JAK1: variants seen among roughly 807,000 people sequenced by gnomAD.
JAK1 encodes the protein tyrosine-protein kinase JAK1.
Under a neutral mutation model 136.6 loss-of-function variants are expected in JAK1, and 16 were observed. That is an observed-to-expected ratio of 0.12 (90% CI 0.08 to 0.18). The LOEUF is 0.18. Ranked by LOEUF, JAK1 falls within the 10% of genes least tolerant of loss-of-function variation. The pLI, the probability that JAK1 is intolerant of heterozygous loss-of-function variation, is 1.00. For missense variants in JAK1, 859 were observed against 1,450.1 expected (o/e 0.59, Z 6.62); for synonymous variants, 492 against 519.5 (o/e 0.95, Z 0.72).
chr1:65,001,449 G>A (rs1646755566), intron 2 of JAK1, among the ~76,000 whole-genome samples: 2 of 152,130 alleles, frequency 1.3e-5, no homozygotes, highest in Non-Finnish European at 2.9e-5. Flanking sequence ...CTTCCCGGAG[G>A]TCCCCACCCA....
intron 1 of JAK1, among the ~76,000 whole-genome samples, chr1:65,050,591 C>G (rs1358868288): frequency 6.6e-6 from 1 of 152,136 alleles, no homozygotes; most frequent in East Asian, 1.9e-4. Context: ...AGAGGAGAAG[C>G]CACTAGAGTG....
At chr1:64,928,261 G>GC (rs1242270869) in intron 1 of JAK1, among the ~76,000 whole-genome samples, 2 of 152,152 alleles carry the variant, frequency 1.3e-5, no homozygotes, top group Non-Finnish European at 2.9e-5. Context: ...TATCATATTG[G>GC]CCTCTAGTAC....
upstream of JAK1, among the ~76,000 whole-genome samples, chr1:64,970,140 A>AAAAAAAAAAAAAAC (rs1646437389): frequency 6.8e-6 from 1 of 148,118 alleles, no homozygotes; most frequent in Admixed American, 6.7e-5. Flanking sequence ...GTCTCAAAAA[A>AAAAAAAAAAAAAAC]AAAAAAAAAA....
At position 64,984,722 on chromosome 1, in the gene JAK1, G is replaced by A; in HGVS notation, c.-78+59758C>T. ...CCTCAAAGGCCTATGTGATATCCTT[G>A]AAAGTCCTGTAACACATCTCAGGGA... On this transcript the variant is annotated intron_variant, in intron 2 of 25. Transcript: ENST00000671954. This position sits in a 1 kb window ranked among gnomAD's most constrained non-coding sequence, Gnocchi z 4.1. 1 of 797,478 alleles carries A rather than the reference G, an allele frequency of 1.3e-6. No individual in the cohort carries two copies. Among genetic ancestry groups the A allele is most frequent in the Non-Finnish European group, 2.0e-6 (1 of 491,910 alleles). 49.4% of individuals were successfully genotyped at this position (797,478 alleles called of 1,614,324 possible). A position where few individuals can be genotyped will look rare whatever the true frequency, so the allele number is the denominator to read the frequency against.
chr1:65,054,349 GTATGTT>G (rs1167310181), intron 1 of JAK1, among the ~76,000 whole-genome samples: 4 of 151,824 alleles, frequency 2.6e-5, no homozygotes, highest in African/African-American at 4.8e-5. Flanking sequence ...TTCATATATT[GTATGTT>G]TATATTTTAA....
intron 1 of JAK1, among the ~76,000 whole-genome samples, chr1:64,908,609 C>A (rs1645229676): frequency 2.0e-5 from 3 of 152,194 alleles, no homozygotes; most frequent in African/African-American, 4.8e-5. Flanking sequence ...GGTTTTTATT[C>A]CTTTTACTAG....
In JAK1 at chr1:65,027,171, T is replaced by C. The variant is rs992010315; in HGVS notation, c.-78+17309A>G. On this transcript the variant is annotated intron_variant, in intron 2 of 25. Transcript: ENST00000671954. ...AAGCTATTCTCCTGGCTCAGTCTCT[T>C]GAGTAACTGGGACTACAGGTGCACA... Among the ~76,000 whole-genome samples, 5 of 151,542 alleles carry C rather than the reference T, an allele frequency of 3.3e-5. No individual in the cohort carries two copies. The East Asian group carries it at 7.9e-4, about 24-fold the overall frequency.
intron 1 of JAK1, among the ~76,000 whole-genome samples, chr1:64,960,565 T>C (rs992973412): frequency 6.6e-6 from 1 of 152,236 alleles, no homozygotes; most frequent in African/African-American, 2.4e-5. Flanking sequence ...ATTACTATCT[T>C]CTATGCAGAC....
intron 2 of JAK1, chr1:64,985,333 C>A (rs1417372226): frequency 1.2e-6 from 2 of 1,610,974 alleles, no homozygotes; most frequent in Non-Finnish European, 1.7e-6. Context: ...AGCACAGTGA[C>A]TTGCTTTTCT....
At chr1:65,028,618 A>G (rs1305139054) in intron 2 of JAK1, among the ~76,000 whole-genome samples, 1 of 152,234 alleles carries the variant, frequency 6.6e-6, no homozygotes, top group African/African-American at 2.4e-5. Flanking sequence ...CCCCTTGAAG[A>G]GAGCAATTAA....
In JAK1 at chr1:64,874,961, C is replaced by T. The variant is rs535496262; in HGVS notation, c.330-1438G>A. Among the ~76,000 whole-genome samples the T allele has an allele frequency of 8.5e-5, 13 of 152,326 alleles. No individual in the cohort carries two copies. The South Asian group carries it at 2.7e-3, about 32-fold the overall frequency. On this transcript the variant is annotated intron_variant, in intron 4 of 24. Coordinates refer to ENST00000342505, the MANE Select transcript of JAK1 (RefSeq NM_002227.4). ...AACTATCCAGCAACACACAATGGGG[C>T]ACGTATCACAAGCAGGACTACACTG... is the stretch of plus-strand genomic sequence containing the variant.
At chr1:64,881,891 GAATA>G (rs1644778553) in intron 3 of JAK1, among the ~76,000 whole-genome samples, 1 of 152,008 alleles carries the variant, frequency 6.6e-6, no homozygotes, top group Non-Finnish European at 1.5e-5. Context: ...TTGGCGAAGA[GAATA>G]AACAATATAA....
At chr1:65,002,661 T>C (rs1646769498) in intron 2 of JAK1, among the ~76,000 whole-genome samples, 1 of 152,216 alleles carries the variant, frequency 6.6e-6, no homozygotes, top group Non-Finnish European at 1.5e-5. Context: ...GCCAGCTGGA[T>C]GCGTCACCAT....
chr1:64,890,503 G>A (rs1413783271), intron 1 of JAK1, among the ~76,000 whole-genome samples: 1 of 152,186 alleles, frequency 6.6e-6, no homozygotes, highest in African/African-American at 2.4e-5. Context: ...CCTGCCTAGA[G>A]GGTTGGTACA....
At chr1:64,986,109 GT>G (rs35258864) in intron 2 of JAK1, 25,163 of 542,964 alleles carry the variant, frequency 0.046, no homozygotes, top group East Asian at 0.08. Flanking sequence ...CAATCTAATT[GT>G]TTTTTTTTTT....
At chr1:64,979,894 G>A (rs915554247) in intron 2 of JAK1, 10 of 152,164 alleles carry the variant, frequency 6.6e-5, no homozygotes, top group African/African-American at 2.4e-4. Context: ...GAAAGTGTCA[G>A]GCCTATTTAA....
At chr1:64,899,418 T>C (rs897207022) in intron 1 of JAK1, among the ~76,000 whole-genome samples, 4 of 152,188 alleles carry the variant, frequency 2.6e-5, no homozygotes, top group Non-Finnish European at 5.9e-5. Flanking sequence ...GTGACAACTC[T>C]AAAAATCATT....
At chr1:65,005,611 T>G (rs1646797864) in intron 2 of JAK1, among the ~76,000 whole-genome samples, 1 of 152,226 alleles carries the variant, frequency 6.6e-6, no homozygotes, top group Admixed American at 6.5e-5. Flanking sequence ...ATTACCCAGA[T>G]TTGATCATTG....
At chr1:64,993,140 C>T (rs1207841638) in intron 2 of JAK1, 1 of 152,172 alleles carries the variant, frequency 6.6e-6, no homozygotes, top group East Asian at 1.9e-4. Context: ...GCCCACACAT[C>T]AAGGGAAAAG....
Sources: allele counts gnomAD v4.1 joint callset (sites outside exome capture counted in the v4.1 genomes callset), GRCh38; gene constraint gnomAD v4.1.1; non-coding constraint Gnocchi (gnomAD v3.1); transcripts MANE v1.5; gene names NCBI Gene and HGNC (gene_info 2026-07-23, HGNC 2026-07-21).